Variants in AUTS2 observed in about 807,000 individuals in gnomAD.
AUTS2 encodes autism susceptibility gene 2 protein.
Under a neutral mutation model 112.4 loss-of-function variants are expected in AUTS2, and 17 were observed. The observed-to-expected ratio is 0.15, with a 90% confidence interval of 0.10 to 0.23. The LOEUF (loss-of-function observed/expected upper bound fraction) is 0.23, where lower values mean the gene tolerates loss of function less well. AUTS2 is among the 10% of genes least tolerant of loss of function. The pLI is 1.00. For missense variants in AUTS2, 1,510 were observed against 1,701.6 expected (o/e 0.89, Z 1.98); for synonymous variants, 751 against 702.7 (o/e 1.07, Z -1.09).
At chr7:70,723,452 C>T (rs1786817944) in intron 6 of AUTS2, among the ~76,000 whole-genome samples, 1 of 151,936 alleles carries the variant, frequency 6.6e-6, no homozygotes, top group African/African-American at 2.4e-5. Flanking sequence ...GCCCCAGGAC[C>T]AGTGGGCTGG....
At position 70,790,363 on chromosome 7, in the gene AUTS2, C is replaced by G; in HGVS notation, c.3147C>G (p.Phe1049Leu). 1 of 1,613,926 alleles carries G rather than the reference C, an allele frequency of 6.2e-7. No homozygotes were observed. Among genetic ancestry groups the G allele is most frequent in the Non-Finnish European group, 8.5e-7 (1 of 1,180,016 alleles). ...SLDRTRMMTP[F>L]MGISPLPGGE... ...ACAGGACTCGCATGATGACCCCCTTCATGGGCATCAGCCCCCTCCCGGGCG... is the reference window on the plus strand; with the variant it reads ...ACAGGACTCGCATGATGACCCCCTTGATGGGCATCAGCCCCCTCCCGGGCG... Residue 1049 changes from phenylalanine to leucine, a missense_variant, in exon 19 of 19, where the codon TTC becomes TTG. By Grantham distance (22) the Phe-to-Leu change is conservative (BLOSUM62 0). Transcript: ENST00000342771. This position sits in a 1 kb window ranked among gnomAD's most constrained non-coding sequence, Gnocchi z 7.6.
rs993798113 is a variant in AUTS2, at chr7:70,711,253, T to C, written c.742+12633T>C. 1.1e-4 allele frequency among the ~76,000 whole-genome samples: 16 copies of C among 152,236 alleles called. No individual in the cohort carries two copies. The East Asian group carries it at 2.3e-3, about 22-fold the overall frequency. On this transcript the variant is annotated intron_variant, in intron 6 of 18. Coordinates refer to ENST00000342771, the MANE Select transcript of AUTS2 (RefSeq NM_015570.4). ...CTTCTGTATTAGCTCCAGGATAAAC[T>C]TGAAAACTGCCTACTCTGAGGGTTT...
intron 5 of AUTS2, among the ~76,000 whole-genome samples, chr7:70,632,259 G>A (rs1289201457): frequency 6.6e-6 from 1 of 152,086 alleles, no homozygotes; most frequent in Non-Finnish European, 1.5e-5. Flanking sequence ...AGTGCAGAGT[G>A]CTAATAGAGG....
At chr7:70,510,346 C>G (rs1341520263) in intron 5 of AUTS2, among the ~76,000 whole-genome samples, 1 of 152,206 alleles carries the variant, frequency 6.6e-6, no homozygotes, top group African/African-American at 2.4e-5. Context: ...GGCCATTGAA[C>G]TTAGCAACTG....
intron 4 of AUTS2, among the ~76,000 whole-genome samples, chr7:70,180,970 A>G (rs2129580710): frequency 6.6e-6 from 1 of 152,270 alleles, no homozygotes; most frequent in African/African-American, 2.4e-5. Flanking sequence ...GCAATTCTGA[A>G]TTTGCTATTT....
chr7:70,517,653 T>A (rs1355997235), intron 5 of AUTS2, among the ~76,000 whole-genome samples: 1 of 150,418 alleles, frequency 6.6e-6, no homozygotes, highest in Admixed American at 6.6e-5. Context: ...CATGTATAAT[T>A]TGCCCAGAAA....
chr7:70,220,819 A>C (rs1811440428), intron 4 of AUTS2, among the ~76,000 whole-genome samples: 1 of 152,220 alleles, frequency 6.6e-6, no homozygotes, highest in Non-Finnish European at 1.5e-5. Context: ...ATGTCTTCTC[A>C]TGAAAATTTC....
At chr7:70,406,836 G>A (rs1794557244) in intron 4 of AUTS2, among the ~76,000 whole-genome samples, 1 of 152,192 alleles carries the variant, frequency 6.6e-6, no homozygotes, top group Non-Finnish European at 1.5e-5. Context: ...ACTCTTGGTA[G>A]CAAAGCAAAA....
intron 2 of AUTS2, among the ~76,000 whole-genome samples, chr7:70,061,065 G>T (rs1802223953): frequency 1.3e-5 from 2 of 152,170 alleles, no homozygotes; most frequent in African/African-American, 2.4e-5. Context: ...AAATCTGTAG[G>T]TTCTTTCTGA....
chr7:70,222,100 G>A (rs1811517025), intron 4 of AUTS2, among the ~76,000 whole-genome samples: 1 of 151,900 alleles, frequency 6.6e-6, no homozygotes, highest in African/African-American at 2.4e-5. Context: ...AATTACCTAT[G>A]GATTAAATTT....
rs185743596 is a variant in AUTS2 at position 69,958,270 on chromosome 7, A to G, written c.522+58772A>G. Among the ~76,000 whole-genome samples the G allele has an allele frequency of 1.6e-3, 241 of 152,250 alleles. 1 individual carries two copies. Among genetic ancestry groups the G allele is most frequent in the African/African-American group, 4.9e-3 (204 of 41,556 alleles). On this transcript the variant is annotated intron_variant, in intron 2 of 18. Coordinates refer to ENST00000342771, the MANE Select transcript of AUTS2 (RefSeq NM_015570.4). ...TCTTCTGTGGCTGCTTCTTAGCTAT[A>G]ATGGCATAGTTGAATAATTATGACA...
At position 70,713,891 on chromosome 7, in the gene AUTS2, G is replaced by A. The variant is rs1163932373; in HGVS notation, c.742+15271G>A. On this transcript the variant is annotated intron_variant, in intron 6 of 18. Coordinates refer to ENST00000342771, the MANE Select transcript of AUTS2 (RefSeq NM_015570.4). ...AGCCTGGGCGACAGAACAAGACTCC[G>A]TCTCAAAAAAAAAAAAAAGATACAG... is the stretch of plus-strand genomic sequence containing the variant. 5.8e-4 allele frequency among the ~76,000 whole-genome samples: 42 copies of A among 72,046 alleles called. No homozygotes were observed. In the East Asian group the frequency reaches 0.011, roughly 18 times the overall value. The allele number at this position is 72,046 out of a possible 152,430, so 47.3% of individuals were successfully genotyped here. A position where few individuals can be genotyped will look rare whatever the true frequency, so the allele number is the denominator to read the frequency against.
chr7:70,626,048 G>T (rs1203515204), intron 5 of AUTS2, among the ~76,000 whole-genome samples: 1 of 151,962 alleles, frequency 6.6e-6, no homozygotes, highest in Non-Finnish European at 1.5e-5. Context: ...GAGTAGCTGG[G>T]ACTATAGGCA....
chr7:69,621,434 A>ATT (rs944465209), intron 1 of AUTS2, among the ~76,000 whole-genome samples: 2 of 150,308 alleles, frequency 1.3e-5, no homozygotes, highest in Non-Finnish European at 2.9e-5. Flanking sequence ...AATCTATAAT[A>ATT]TATCTTAAGC....
intron 5 of AUTS2, among the ~76,000 whole-genome samples, chr7:70,616,017 T>G (rs1263930134): frequency 6.6e-6 from 1 of 152,174 alleles, no homozygotes; most frequent in Non-Finnish European, 1.5e-5. Flanking sequence ...ATTGCTGGGA[T>G]TACAGGCGTG....
chr7:70,398,879 T>A (rs1417528432), intron 4 of AUTS2, among the ~76,000 whole-genome samples: 1 of 152,162 alleles, frequency 6.6e-6, no homozygotes, highest in Non-Finnish European at 1.5e-5. Flanking sequence ...AAAGTTCTTT[T>A]CTAATCCTGG....
At chr7:70,440,732 G>A (rs959137563) in intron 5 of AUTS2, among the ~76,000 whole-genome samples, 1 of 152,196 alleles carries the variant, frequency 6.6e-6, no homozygotes, top group Non-Finnish European at 1.5e-5. Flanking sequence ...CTTCCTCTGA[G>A]CAGAACCTGG....
intron 4 of AUTS2, among the ~76,000 whole-genome samples, chr7:70,408,966 A>G (rs1794661189): frequency 6.6e-6 from 1 of 152,228 alleles, no homozygotes; most frequent in African/African-American, 2.4e-5. Flanking sequence ...TGCTGATAGC[A>G]ATTTGAAGCA....
At chr7:69,606,653 G>T (rs1792735390) in intron 1 of AUTS2, among the ~76,000 whole-genome samples, 3 of 152,122 alleles carry the variant, frequency 2.0e-5, no homozygotes, top group Admixed American at 1.3e-4. Context: ...AAAGAACCTA[G>T]TAATGGGAGA....
Sources: allele counts gnomAD v4.1 joint callset (sites outside exome capture counted in the v4.1 genomes callset), GRCh38; gene constraint gnomAD v4.1.1; non-coding constraint Gnocchi (gnomAD v3.1); transcripts MANE v1.5; gene names NCBI Gene and HGNC (gene_info 2026-07-23, HGNC 2026-07-21).